The following KLHL4 variants were observed in gnomAD, a reference collection of about 807,000 sequenced individuals.
KLHL4 encodes kelch like family member 4.
Under a neutral mutation model 45.8 loss-of-function variants are expected in KLHL4, and 17 were observed. The observed-to-expected ratio is 0.37, with a 90% CI of 0.25 to 0.56. The LOEUF (loss-of-function observed/expected upper bound fraction) is 0.56, where lower values mean the gene tolerates loss of function less well. Among genes scored for constraint, KLHL4 ranks in the 20% least tolerant of loss-of-function variants. The pLI is 0.79. For missense variants in KLHL4, 544 were observed against 544.9 expected, an observed-to-expected ratio of 1.00 and a Z score of 0.02; for synonymous variants, 224 against 189.9, an observed-to-expected ratio of 1.18 and a Z score of -1.47.
chrX:87,651,302 C>G lies in KLHL4; in HGVS notation c.1926-13462C>G, dbSNP rs113566069. Among the ~76,000 whole-genome samples, 961 of 111,072 alleles carry G rather than the reference C, an allele frequency of 8.7e-3. 17 individuals carry two copies. The highest frequency in any genetic ancestry group is 0.029 in the African/African-American group (899 of 30,532). ...CACAGCCAAACCATATCATTCTACC[C>G]CTGACCACTCCCAAATCTCATGTCC... On this transcript the variant is annotated intron_variant, in intron 9 of 10. Transcript: ENST00000373119.
At chrX:87,642,718 C>T (rs1480772097) in intron 9 of KLHL4, among the ~76,000 whole-genome samples, 1 of 112,010 alleles carries the variant, frequency 8.9e-6, no homozygotes, top group East Asian at 2.8e-4. Flanking sequence ...AATCAAAAAT[C>T]CAGGAAACTT....
chrX:87,613,842 G>A, intron 1 of KLHL4, 35 bp from the exon 2 acceptor site: 2 of 1,027,781 alleles, frequency 1.9e-6, no homozygotes, highest in Non-Finnish European at 2.5e-6. Flanking sequence ...AAAATTATAT[G>A]ATGAACCATA....
At chrX:87,649,715 T>C (rs1402205835) in intron 9 of KLHL4, among the ~76,000 whole-genome samples, 1 of 111,634 alleles carries the variant, frequency 9.0e-6, no homozygotes, top group Non-Finnish European at 1.9e-5. Context: ...GATTCAACTT[T>C]ATTCTTTTGC....
chrX:87,650,389 C>T (rs1923772628), intron 9 of KLHL4, among the ~76,000 whole-genome samples: 1 of 112,269 alleles, frequency 8.9e-6, no homozygotes, highest in Non-Finnish European at 1.9e-5. Context: ...TGAGCCAACA[C>T]ACCCAACTGA....
chrX:87,669,262 C>T lies in KLHL4; in HGVS notation c.*2728C>T, dbSNP rs1747590365. 2.5e-6 allele frequency: 3 copies of T among 1,190,282 alleles called. No individual in the cohort carries two copies. Among genetic ancestry groups the T allele is most frequent in the Admixed American group, 2.3e-5 (1 of 43,093 alleles). On this transcript the variant is annotated 3_prime_UTR_variant, in exon 11 of 11. Transcript: ENST00000373119. ...ATGACCGTGTTCACGATTCCCTACT[C>T]TGCAACTCTCAGCATGCATCATGAT...
rs771738040 is a variant in KLHL4 at position 87,625,634 on chromosome X, T to C, written c.1162T>C (p.Ser388Pro). 2.6e-5 allele frequency: 31 copies of C among 1,204,574 alleles called. No homozygotes were observed. The highest frequency in any genetic ancestry group is 3.5e-5 in the Non-Finnish European group (31 of 892,254). Residue 388 changes from serine to proline, a missense_variant, in exon 6 of 11, where the codon TCC (serine) becomes CCC (proline). Coordinates refer to ENST00000373119, the MANE Select transcript of KLHL4 (RefSeq NM_019117.5). Reference sequence around the variant, plus strand: ...GTTACTGGCAGATCTTGAAACCAGTTCCATGTTTACTGGTGATCTTGAGTG... The same window carrying C: ...GTTACTGGCAGATCTTGAAACCAGTCCCATGTTTACTGGTGATCTTGAGTG... The part of the protein sequence containing the change: ...PQLLADLETS[S>P]MFTGDLECQK...
At chrX:87,660,357 TG>T (rs1440233395) in intron 9 of KLHL4, among the ~76,000 whole-genome samples, 1 of 112,096 alleles carries the variant, frequency 8.9e-6, no homozygotes, top group African/African-American at 3.2e-5. Flanking sequence ...AAGGTATTTA[TG>T]GTTCTACACC....
intron 5 of KLHL4, 87 bp from the exon 6 acceptor site, chrX:87,625,523 G>C (rs911115508): frequency 1.2e-6 from 1 of 833,235 alleles, no homozygotes; most frequent in African/African-American, 2.1e-5. Flanking sequence ...ACGCCACTGC[G>C]CCCAGCCTCT....
At chrX:87,521,468 A>G (rs750735682) in intron 1 of KLHL4, among the ~76,000 whole-genome samples, 2 of 111,851 alleles carry the variant, frequency 1.8e-5, no homozygotes, top group Non-Finnish European at 1.9e-5. Flanking sequence ...CATTGAATAT[A>G]CATTCTAATG....
At chrX:87,608,474 C>CTT (rs530132035) in intron 1 of KLHL4, among the ~76,000 whole-genome samples, 2 of 106,916 alleles carry the variant, frequency 1.9e-5, no homozygotes, top group Non-Finnish European at 3.9e-5. Flanking sequence ...TTCTGAAGGG[C>CTT]TTTTTTTTTT....
chrX:87,627,533 C>T (rs182968096), intron 6 of KLHL4, among the ~76,000 whole-genome samples: 386 of 111,470 alleles, frequency 3.5e-3, no homozygotes, highest in African/African-American at 0.012. Context: ...ACTTCAAGAA[C>T]TGATGTGCTT....
At chrX:87,599,417 C>T (rs559234998) in intron 1 of KLHL4, among the ~76,000 whole-genome samples, 1 of 111,446 alleles carries the variant, frequency 9.0e-6, no homozygotes, top group African/African-American at 3.3e-5. Flanking sequence ...AAATTTAATC[C>T]AGCTTTGAGA....
intron 5 of KLHL4, among the ~76,000 whole-genome samples, chrX:87,625,327 C>A (rs1240885603): frequency 2.7e-5 from 3 of 111,938 alleles, no homozygotes; most frequent in African/African-American, 9.7e-5. Flanking sequence ...ACCTCCCGGG[C>A]TCAAACGATC....
chrX:87,628,266 A>G (rs1264527157), intron 6 of KLHL4, among the ~76,000 whole-genome samples: 1 of 111,573 alleles, frequency 9.0e-6, no homozygotes, highest in East Asian at 2.8e-4. Context: ...CTGGAGATGA[A>G]ATTCTTATTC....
chrX:87,603,322 G>T (rs1031162712), intron 1 of KLHL4, among the ~76,000 whole-genome samples: 2 of 111,327 alleles, frequency 1.8e-5, no homozygotes. Context: ...TAAATTAAGG[G>T]TCTGAAACCC....
intron 1 of KLHL4, among the ~76,000 whole-genome samples, chrX:87,522,057 G>C (rs747014423): frequency 1.2e-4 from 13 of 112,576 alleles, no homozygotes; most frequent in Non-Finnish European, 2.2e-4. Flanking sequence ...ATGTATTGTA[G>C]GTCTTCATCC....
At chrX:87,567,704 A>G (rs1932243584) in intron 1 of KLHL4, among the ~76,000 whole-genome samples, 1 of 111,969 alleles carries the variant, frequency 8.9e-6, no homozygotes, top group South Asian at 3.7e-4. Flanking sequence ...TTAATGCAGA[A>G]ACAGAAAATT....
intron 1 of KLHL4, among the ~76,000 whole-genome samples, chrX:87,595,658 G>A (rs1346108417): frequency 1.8e-5 from 2 of 110,368 alleles, no homozygotes; most frequent in African/African-American, 3.3e-5. Flanking sequence ...ACATTACTTG[G>A]CCATTTGAGT....
At chrX:87,659,102 T>C (rs1421917070) in intron 9 of KLHL4, among the ~76,000 whole-genome samples, 1 of 100,112 alleles carries the variant, frequency 1.0e-5, no homozygotes, top group Non-Finnish European at 2.0e-5. Flanking sequence ...TATTTCTTTA[T>C]TCTTTTCTTT....
Sources: gnomAD v4.1 joint callset for allele counts (sites outside exome capture counted in the v4.1 genomes callset) on GRCh38, gnomAD v4.1.1 for gene constraint, MANE v1.5 for transcripts, NCBI Gene and HGNC (gene_info 2026-07-23, HGNC 2026-07-21) for gene names.